The following NEGR1 variants were observed in gnomAD, a reference collection of about 807,000 sequenced individuals.
NEGR1 encodes the protein neuronal growth regulator 1.
A neutral mutation model predicts 40.9 loss-of-function variants in NEGR1; 10 were observed. That is an observed-to-expected ratio of 0.24 (90% CI 0.15 to 0.42). The LOEUF (loss-of-function observed/expected upper bound fraction) is 0.42. NEGR1 is among the 10% of genes least tolerant of loss of function. The pLI, the probability that NEGR1 is intolerant of heterozygous loss-of-function variation, is 1.00. For missense variants in NEGR1, 352 were observed against 438.9 expected (o/e 0.80, Z 1.77); for synonymous variants, 185 against 166.8 (o/e 1.11, Z -0.84).
chr1:72,112,541 T>C (rs559412577), intron 1 of NEGR1, among the ~76,000 whole-genome samples: 79 of 151,908 alleles, frequency 5.2e-4, no homozygotes, highest in African/African-American at 1.5e-3. Flanking sequence ...ACATTTGTGA[T>C]TGTTAGGTTT....
At chr1:72,029,673 A>C (rs1282753731) in intron 1 of NEGR1, among the ~76,000 whole-genome samples, 1 of 152,210 alleles carries the variant, frequency 6.6e-6, no homozygotes, top group Non-Finnish European at 1.5e-5. Flanking sequence ...TGTGCTCCAA[A>C]AGTTATATGC....
intron 6 of NEGR1, among the ~76,000 whole-genome samples, chr1:71,560,102 TG>T (rs1464000226): frequency 5.9e-5 from 9 of 151,358 alleles, no homozygotes; most frequent in African/African-American, 1.7e-4. Context: ...ATGATGATGA[TG>T]ATGATGATAA....
intron 4 of NEGR1, among the ~76,000 whole-genome samples, chr1:71,689,632 C>G (rs941869217): frequency 4.0e-5 from 6 of 151,878 alleles, no homozygotes; most frequent in Non-Finnish European, 8.8e-5. Context: ...TTTGGCAATC[C>G]ATATATTTAA....
At chr1:71,467,365 G>A (rs1569908256) in intron 6 of NEGR1, among the ~76,000 whole-genome samples, 2 of 152,108 alleles carry the variant, frequency 1.3e-5, no homozygotes, top group East Asian at 3.9e-4. Context: ...CAGAAATTAT[G>A]TAATCTGCGT....
intron 4 of NEGR1, among the ~76,000 whole-genome samples, chr1:71,636,921 C>CG (rs1557595671): frequency 6.6e-6 from 1 of 151,832 alleles, no homozygotes; most frequent in African/African-American, 2.4e-5. Context: ...TTTGAAGTCA[C>CG]GGGAAAGACT....
At chr1:71,581,664 A>C (rs1649138119) in intron 6 of NEGR1, among the ~76,000 whole-genome samples, 1 of 149,996 alleles carries the variant, frequency 6.7e-6, no homozygotes, top group Non-Finnish European at 1.5e-5. Flanking sequence ...ATAATTGCAT[A>C]TTTTCTTACT....
intron 4 of NEGR1, among the ~76,000 whole-genome samples, chr1:71,628,067 C>A (rs1230794500): frequency 6.6e-6 from 1 of 152,166 alleles, no homozygotes; most frequent in East Asian, 1.9e-4. Context: ...AGTGACCACA[C>A]AGGGAATGTA....
chr1:72,106,533 C>T (rs1409594626), intron 1 of NEGR1, among the ~76,000 whole-genome samples: 1 of 142,066 alleles, frequency 7.0e-6, no homozygotes, highest in East Asian at 2.0e-4. Context: ...AATAAAAAGG[C>T]TGGGAGAAAA....
intron 1 of NEGR1, among the ~76,000 whole-genome samples, chr1:72,241,049 G>A (rs934605141): frequency 6.6e-6 from 1 of 151,798 alleles, no homozygotes; most frequent in Non-Finnish European, 1.5e-5. Context: ...TGGACTAAAT[G>A]GCTGGTATCA....
intron 2 of NEGR1, among the ~76,000 whole-genome samples, chr1:71,827,980 T>C (rs1224364285): frequency 1.3e-5 from 2 of 151,940 alleles, no homozygotes; most frequent in African/African-American, 2.4e-5. Context: ...TCTGAAAGAA[T>C]TCAATAATTT....
Position 71,405,480 on chromosome 1 carries a change from T to C in NEGR1, c.*1966A>G, listed in dbSNP as rs1646272945. On this transcript the variant is annotated 3_prime_UTR_variant, in exon 7 of 7. Transcript: ENST00000357731. ...ATATTTCTTAAAAGCAAATAAATAA[T>C]AAAGTTAAATGCCATATTTGTTCTA... is the stretch of plus-strand genomic sequence containing the variant. 1 of 152,196 alleles carries C rather than the reference T, an allele frequency of 6.6e-6. No homozygotes were observed. The highest frequency in any genetic ancestry group is 2.4e-5 in the African/African-American group (1 of 41,384). The allele number at this position is 152,196 out of a possible 1,614,324, so 9.4% of individuals were successfully genotyped here. A position where few individuals can be genotyped will look rare whatever the true frequency, so the allele number is the denominator to read the frequency against.
At position 72,203,363 on chromosome 1, in the gene NEGR1, G is replaced by T. The variant is rs143666648; in HGVS notation, c.176+78956C>A. On this transcript the variant is annotated intron_variant, in intron 1 of 6. Transcript: ENST00000357731. Reference sequence around the variant, plus strand: ...CTTTGAGCAGTTCAAATCTCCACTGGAGGAAGTAAATGCAGAAGTGGTGGA... The same window carrying T: ...CTTTGAGCAGTTCAAATCTCCACTGTAGGAAGTAAATGCAGAAGTGGTGGA... Among the ~76,000 whole-genome samples the T allele has an allele frequency of 3.5e-3, 527 of 152,188 alleles. 5 individuals are homozygous for T. The highest frequency in any genetic ancestry group is 0.012 in the African/African-American group (501 of 41,544).
intron 1 of NEGR1, among the ~76,000 whole-genome samples, chr1:72,074,989 G>T (rs2100516794): frequency 6.6e-6 from 1 of 152,086 alleles, no homozygotes; most frequent in East Asian, 1.9e-4. Context: ...GCAATTTTAA[G>T]GACATAAATA....
At chr1:71,653,195 G>A (rs1485330329) in intron 4 of NEGR1, among the ~76,000 whole-genome samples, 1 of 152,146 alleles carries the variant, frequency 6.6e-6, no homozygotes, top group African/African-American at 2.4e-5. Flanking sequence ...AGAAAATGGT[G>A]ACTGTAAACA....
chr1:71,903,347 TCTG>T (rs1357913603), intron 2 of NEGR1, among the ~76,000 whole-genome samples: 3 of 152,050 alleles, frequency 2.0e-5, no homozygotes, highest in Non-Finnish European at 2.9e-5. Context: ...ACAAAGTTCT[TCTG>T]CTGTCAGCAA....
chr1:72,135,421 C>CAA (rs1650424853), intron 1 of NEGR1, among the ~76,000 whole-genome samples: 2 of 42,172 alleles, frequency 4.7e-5, no homozygotes, highest in Admixed American at 3.6e-4. Context: ...AAAAACAAAA[C>CAA]CAAAAAAAAA....
At chr1:71,776,359 T>A in intron 2 of NEGR1, 62 bp from the exon 3 acceptor site, 1 of 987,146 alleles carries the variant, frequency 1.0e-6, no homozygotes, top group Non-Finnish European at 1.5e-6. Context: ...GAAGTACGTA[T>A]GATTAATTCC....
intron 1 of NEGR1, among the ~76,000 whole-genome samples, chr1:72,115,703 CG>C (rs1649554851): frequency 6.6e-6 from 1 of 151,582 alleles, no homozygotes; most frequent in Non-Finnish European, 1.5e-5. Context: ...AGTGGGTATA[CG>C]GGAAGTACCC....
intron 1 of NEGR1, among the ~76,000 whole-genome samples, chr1:72,172,941 G>GTTAAT (rs1652017419): frequency 1.3e-5 from 2 of 151,890 alleles, no homozygotes; most frequent in South Asian, 4.2e-4. Context: ...ATTACCTTGT[G>GTTAAT]CCCACCTGAA....
Sources: gnomAD v4.1 joint callset for allele counts (sites outside exome capture counted in the v4.1 genomes callset) on GRCh38, gnomAD v4.1.1 for gene constraint, MANE v1.5 for transcripts, NCBI Gene and HGNC (gene_info 2026-07-23, HGNC 2026-07-21) for gene names.